The following GALNT9 variants were observed in gnomAD, a reference collection of about 807,000 sequenced individuals.
The protein encoded by GALNT9 is GalNAc transferase 9.
A neutral mutation model predicts 63.1 loss-of-function variants in GALNT9; 47 were observed. The ratio of observed to expected loss-of-function variants is 0.75; its 90% CI spans 0.59 to 0.95. The LOEUF is 0.95. GALNT9 is among the 40% of genes least tolerant of loss of function. The probability of loss-of-function intolerance (pLI) is 0.00; values close to 1 mark genes in which losing one functional copy is unlikely to be tolerated. For synonymous variants in GALNT9, 396 were observed against 365.7 expected (o/e 1.08, Z -0.94); for missense variants, 829 against 874.8 (o/e 0.95, Z 0.66).
chr12:132,280,648 G>T (rs1214295054), intron 2 of GALNT9: 1 of 152,346 alleles, frequency 6.6e-6, no homozygotes, highest in Non-Finnish European at 1.5e-5. Context: ...GAAAGGAGGC[G>T]GAGCCCCCAG....
intron 1 of GALNT9, among the ~76,000 whole-genome samples, chr12:132,287,317 G>A (rs1480784415): frequency 2.6e-5 from 4 of 152,192 alleles, no homozygotes; most frequent in Non-Finnish European, 5.9e-5. Context: ...CTGCTCTGAT[G>A]GTCAGGCCTA....
At chr12:132,243,871 G>A (rs1167749277) in intron 6 of GALNT9, among the ~76,000 whole-genome samples, 1 of 152,096 alleles carries the variant, frequency 6.6e-6, no homozygotes, top group Non-Finnish European at 1.5e-5. Context: ...GTCAATCACC[G>A]TCTCTTGCCA....
At chr12:132,328,865 G>A in intron 1 of GALNT9, 101 bp downstream of exon 1, 2 of 1,318,766 alleles carry the variant, frequency 1.5e-6, no homozygotes, top group South Asian at 1.6e-5. Context: ...CCACAGGGGC[G>A]CAGAGGGGCG....
At chr12:132,270,422 C>T (rs1879822062) in intron 2 of GALNT9, among the ~76,000 whole-genome samples, 1 of 152,262 alleles carries the variant, frequency 6.6e-6, no homozygotes, top group African/African-American at 2.4e-5. Context: ...GAGTACCCAG[C>T]AGGTGATGCC....
In GALNT9 at chr12:132,311,831, G is replaced by A. The variant is rs575330451; in HGVS notation, c.238+17135C>T. Among the ~76,000 whole-genome samples, 22 of 152,340 alleles carry A rather than the reference G, an allele frequency of 1.4e-4. No homozygotes were observed. The East Asian group carries it at 3.7e-3, about 25-fold the overall frequency. ...CTGTCCACTTCAGGGAGTGTGGAGG[G>A]TGGAGGGGAGTGTGGAAGCTACAGC... is the stretch of plus-strand genomic sequence containing the variant. On this transcript the variant is annotated intron_variant, in intron 1 of 10. Transcript: ENST00000328957.
At chr12:132,299,716 TA>T (rs1326120971) in intron 1 of GALNT9, among the ~76,000 whole-genome samples, 1 of 136,192 alleles carries the variant, frequency 7.3e-6, no homozygotes, top group Non-Finnish European at 1.6e-5. Context: ...ACTGCTGAGA[TA>T]ACCCACTCCC....
At chr12:132,254,071 G>C (rs1298634608) in intron 5 of GALNT9, among the ~76,000 whole-genome samples, 1 of 151,638 alleles carries the variant, frequency 6.6e-6, no homozygotes, top group East Asian at 1.9e-4. Flanking sequence ...GCCCAGGCTG[G>C]AGTGCAATGG....
chr12:132,286,379 C>A lies in GALNT9; in HGVS notation c.290G>T (p.Gly97Val). Residue 97 changes from glycine to valine, a missense_variant, in exon 2 of 11, where the codon GGT becomes GTT. By Grantham distance (109) the Gly-to-Val change is moderately radical (BLOSUM62 -3). Coordinates refer to ENST00000328957, the MANE Select transcript of GALNT9 (RefSeq NM_001122636.2). This position sits in a 1 kb window ranked among gnomAD's most constrained non-coding sequence, Gnocchi z 7.4. ...ATCACGCAGGGTGGCCGCCAAGCCA[C>A]CCTGGCCCAGGCCTCCTGGCCCCTC... ...LVEGPGGLGQ[G>V]GLAATLRDDG... 1 of 1,550,914 alleles carries A rather than the reference C, an allele frequency of 6.4e-7. No homozygotes were observed. Among genetic ancestry groups the A allele is most frequent in the Non-Finnish European group, 8.7e-7 (1 of 1,146,838 alleles).
chr12:132,204,674 C>T (rs1271854436), intron 6 of GALNT9, among the ~76,000 whole-genome samples: 2 of 152,126 alleles, frequency 1.3e-5, no homozygotes, highest in African/African-American at 4.8e-5. Context: ...AAGCCCACGT[C>T]CCCACCATCT....
At chr12:132,208,095 A>G (rs111315450) in intron 6 of GALNT9, among the ~76,000 whole-genome samples, 7,133 of 152,216 alleles carry the variant, frequency 0.047, 208 homozygotes, top group Middle Eastern at 0.1. Context: ...GCAGAGGGAG[A>G]ATTTAAAGGC....
At chr12:132,235,294 G>A (rs1877962587) in intron 6 of GALNT9, among the ~76,000 whole-genome samples, 1 of 152,260 alleles carries the variant, frequency 6.6e-6, no homozygotes, top group South Asian at 2.1e-4. Context: ...GGGTGCGGTG[G>A]GCGCTGTGCA....
chr12:132,216,078 A>T (rs78181773), intron 6 of GALNT9, among the ~76,000 whole-genome samples: 498 of 146,414 alleles, frequency 3.4e-3, no homozygotes, highest in South Asian at 6.5e-3. Context: ...AGAGACGTAG[A>T]CAGAGACACA....
At chr12:132,303,222 G>T (rs1881376327) in intron 1 of GALNT9, among the ~76,000 whole-genome samples, 1 of 151,978 alleles carries the variant, frequency 6.6e-6, no homozygotes, top group Non-Finnish European at 1.5e-5. Context: ...GGCTGGGCAG[G>T]CGCCCTGAGT....
At chr12:132,290,017 G>A (rs557388123) in intron 1 of GALNT9, among the ~76,000 whole-genome samples, 20 of 152,286 alleles carry the variant, frequency 1.3e-4, no homozygotes, top group South Asian at 8.3e-4. Flanking sequence ...TGCTGTCACC[G>A]TCCCATAGCT....
chr12:132,284,306 G>C (rs567462706), intron 2 of GALNT9: 1 of 150,302 alleles, frequency 6.7e-6, no homozygotes, highest in Non-Finnish European at 1.5e-5. Context: ...CACAACGCGC[G>C]CGCACGCACA....
chr12:132,299,941 C>A (rs138507046), intron 1 of GALNT9, among the ~76,000 whole-genome samples: 3,515 of 145,510 alleles, frequency 0.024, 34 homozygotes, highest in African/African-American at 0.086. Context: ...GCTGAGATAA[C>A]CCACTCCCAT....
intron 5 of GALNT9, among the ~76,000 whole-genome samples, chr12:132,256,019 G>A (rs536303605): frequency 6.6e-6 from 1 of 152,138 alleles, no homozygotes; most frequent in Non-Finnish European, 1.5e-5. Context: ...TTACAGGCAT[G>A]AACCACCGCA....
chr12:132,222,709 T>TTATC (rs1295844673), intron 6 of GALNT9, among the ~76,000 whole-genome samples: 7 of 151,796 alleles, frequency 4.6e-5, no homozygotes, highest in Non-Finnish European at 1.0e-4. Context: ...AAAGTGACAA[T>TTATC]TATCACATTC....
intron 5 of GALNT9, among the ~76,000 whole-genome samples, chr12:132,251,197 T>C (rs1372733520): frequency 1.3e-5 from 2 of 152,230 alleles, no homozygotes; most frequent in Non-Finnish European, 2.9e-5. Context: ...TACATTTCTT[T>C]CACATTCATT....
Sources: gnomAD v4.1 joint callset for allele counts (sites outside exome capture counted in the v4.1 genomes callset) on GRCh38, gnomAD v4.1.1 for gene constraint, Gnocchi (gnomAD v3.1) non-coding constraint, MANE v1.5 for transcripts, NCBI Gene and HGNC (gene_info 2026-07-23, HGNC 2026-07-21) for gene names.